The following RFTN2 variants were observed in gnomAD, a reference collection of about 807,000 sequenced individuals.
RFTN2 encodes the protein raftlin-2.
In RFTN2, 34 loss-of-function variants were observed where a neutral mutation model predicts 52.7. The observed-to-expected ratio is 0.64, with a 90% CI of 0.49 to 0.86. The LOEUF is 0.86. Ranked by LOEUF, RFTN2 falls within the 40% of genes least tolerant of loss-of-function variation. The pLI is 0.00. For missense variants in RFTN2, 536 were observed against 600.1 expected (o/e 0.89, Z 1.12); for synonymous variants, 203 against 217.7 (o/e 0.93, Z 0.59).
chr2:197,618,705 C>T (rs1322015959), intron 5 of RFTN2, among the ~76,000 whole-genome samples: 2 of 149,138 alleles, frequency 1.3e-5, no homozygotes, highest in Non-Finnish European at 3.0e-5. Flanking sequence ...GGCCGCCCAT[C>T]GTCTGAGATG....
chr2:197,641,501 T>A (rs775848922), intron 3 of RFTN2, among the ~76,000 whole-genome samples: 1 of 152,324 alleles, frequency 6.6e-6, no homozygotes, highest in Non-Finnish European at 1.5e-5. Flanking sequence ...GTTAGTTGAT[T>A]TGAGTGAAAA....
At chr2:197,611,480 C>A (rs192479920) in intron 7 of RFTN2, among the ~76,000 whole-genome samples, 3 of 151,750 alleles carry the variant, frequency 2.0e-5, no homozygotes, top group African/African-American at 4.8e-5. Context: ...ATTTTTATTG[C>A]GTCTATTTGA....
chr2:197,641,797 G>T (rs1403813592), intron 3 of RFTN2, among the ~76,000 whole-genome samples: 2 of 152,156 alleles, frequency 1.3e-5, no homozygotes, highest in Non-Finnish European at 2.9e-5. Flanking sequence ...TATGGCTCTT[G>T]TTCATACCCG....
intron 8 of RFTN2, among the ~76,000 whole-genome samples, chr2:197,589,435 G>GA (rs1241105290): frequency 6.6e-6 from 1 of 152,052 alleles, no homozygotes; most frequent in African/African-American, 2.4e-5. Context: ...TCAGCTGCGT[G>GA]AAAACGGACT....
rs921271783 is a variant in RFTN2 at position 197,597,526 on chromosome 2, C to CT, written c.1155-1458dup. 2.7e-3 allele frequency among the ~76,000 whole-genome samples: 399 copies of CT among 148,626 alleles called. 1 individual carries two copies. The highest frequency in any genetic ancestry group is 8.1e-3 in the African/African-American group (329 of 40,642). On this transcript the variant is annotated intron_variant, in intron 7 of 8. Transcript: ENST00000295049. ...AATTGTGTTTTCTTTTTCTTTCTTTCTTTTTTTTTTGAGATGGAGTTTTGC... is the reference window on the plus strand; with the variant it reads ...AATTGTGTTTTCTTTTTCTTTCTTTCTTTTTTTTTTTGAGATGGAGTTTTGC...
intron 7 of RFTN2, among the ~76,000 whole-genome samples, chr2:197,604,536 T>C (rs951754481): frequency 7.9e-5 from 12 of 152,198 alleles, no homozygotes; most frequent in Non-Finnish European, 1.6e-4. Flanking sequence ...TAGGGATTCA[T>C]ACATAAGTGG....
intron 5 of RFTN2, among the ~76,000 whole-genome samples, chr2:197,624,948 C>G (rs1447005179): frequency 2.0e-5 from 3 of 152,042 alleles, no homozygotes; most frequent in Non-Finnish European, 4.4e-5. Context: ...GACTCTATCC[C>G]CAAAGAGAAA....
intron 8 of RFTN2, among the ~76,000 whole-genome samples, chr2:197,589,092 G>A (rs566801655): frequency 1.3e-5 from 2 of 151,534 alleles, no homozygotes; most frequent in South Asian, 2.1e-4. Context: ...GTGGTGCTAC[G>A]CGCCTGTAAT....
intron 7 of RFTN2, among the ~76,000 whole-genome samples, chr2:197,600,749 CA>C (rs2106192901): frequency 6.6e-6 from 1 of 152,228 alleles, no homozygotes; most frequent in East Asian, 1.9e-4. Flanking sequence ...AAGGTTCATC[CA>C]AAAGGTGCTG....
chr2:197,586,822 C>T (rs896414378), intron 8 of RFTN2, among the ~76,000 whole-genome samples: 3 of 152,150 alleles, frequency 2.0e-5, no homozygotes, highest in African/African-American at 7.2e-5. Flanking sequence ...ACCGCCGAGG[C>T]CTTGACTTAC....
At chr2:197,622,137 G>A (rs992449885) in intron 5 of RFTN2, among the ~76,000 whole-genome samples, 2 of 152,132 alleles carry the variant, frequency 1.3e-5, no homozygotes, top group African/African-American at 4.8e-5. Flanking sequence ...AAAGTTGGAA[G>A]CCAACAGAGG....
chr2:197,633,665 C>G, intron 4 of RFTN2, 53 bp downstream of exon 4: 1 of 1,463,332 alleles, frequency 6.8e-7, no homozygotes, highest in Admixed American at 2.2e-5. Context: ...ACCTCAAAAA[C>G]TTATTTTGCT....
chr2:197,673,503 G>A (rs947497195), intron 1 of RFTN2, among the ~76,000 whole-genome samples: 2 of 152,280 alleles, frequency 1.3e-5, no homozygotes, highest in Admixed American at 1.3e-4. Context: ...AGGAGACTAG[G>A]CGCCTGTACC....
At chr2:197,625,415 A>G (rs1036770147) in intron 5 of RFTN2, among the ~76,000 whole-genome samples, 31 of 152,124 alleles carry the variant, frequency 2.0e-4, no homozygotes, top group African/African-American at 7.2e-4. Flanking sequence ...GTAACACTCC[A>G]TTTTAGTTTT....
rs895119948 is a variant in RFTN2 at position 197,589,975 on chromosome 2, T to C, written c.1233+6016A>G. On this transcript the variant is annotated intron_variant, in intron 8 of 8. Coordinates refer to ENST00000295049, the MANE Select transcript of RFTN2 (RefSeq NM_144629.3). Reference sequence around the variant, plus strand: ...AGGCTGGAGTACAGTGGCGCGATCATGGCTCACAATAGCCTCCATCTCCCA... The same window carrying C: ...AGGCTGGAGTACAGTGGCGCGATCACGGCTCACAATAGCCTCCATCTCCCA... Among the ~76,000 whole-genome samples, 5 of 152,298 alleles carry C rather than the reference T, an allele frequency of 3.3e-5. No individual in the cohort carries two copies. In the East Asian group the frequency reaches 7.7e-4, roughly 23 times the overall value.
At chr2:197,579,441 C>T (rs1037360709) in intron 8 of RFTN2, among the ~76,000 whole-genome samples, 9 of 152,202 alleles carry the variant, frequency 5.9e-5, no homozygotes, top group Non-Finnish European at 2.9e-5. Context: ...AAAACCTAAA[C>T]ACCTTATTTT....
chr2:197,648,973 C>A (rs1218144995), intron 1 of RFTN2, among the ~76,000 whole-genome samples: 7 of 152,170 alleles, frequency 4.6e-5, no homozygotes, highest in African/African-American at 9.7e-5. Context: ...GGGAAAGGAA[C>A]CTACTGTATT....
At chr2:197,574,670 C>T (rs950378846) in intron 8 of RFTN2, among the ~76,000 whole-genome samples, 2 of 152,034 alleles carry the variant, frequency 1.3e-5, no homozygotes, top group Non-Finnish European at 2.9e-5. Flanking sequence ...GAGTTTGAGA[C>T]CAGCCTGACC....
chr2:197,618,061 C>CCCCTCT lies in RFTN2; in HGVS notation c.929-146_929-141dup, dbSNP rs1168838824. The CCCCTCT allele has an allele frequency of 7.7e-3, 3,263 of 421,360 alleles. 72 individuals are homozygous for CCCCTCT. The highest frequency in any genetic ancestry group is 0.051 in the African/African-American group (2,025 of 39,374). The allele number at this position is 421,360 out of a possible 1,614,324, so 26.1% of individuals were successfully genotyped here. On this transcript the variant is annotated intron_variant, in intron 5 of 8. Transcript: ENST00000295049. ...AAACATTTGTTGCCCCCTCCCCCTC[C>CCCCTCT]CCCTCTCCCTCTCCCTCTCCCTCTC...
Sources: allele counts gnomAD v4.1 joint callset (sites outside exome capture counted in the v4.1 genomes callset), GRCh38; gene constraint gnomAD v4.1.1; transcripts MANE v1.5; gene names NCBI Gene and HGNC (gene_info 2026-07-23, HGNC 2026-07-21).